RALYL: variants seen among roughly 807,000 people sequenced by gnomAD.
The protein encoded by RALYL is RNA-binding Raly-like protein.
RALYL carries 29 observed loss-of-function variants against 35.1 expected under a neutral mutation model. The observed-to-expected ratio is 0.83, with a 90% CI of 0.61 to 1.13. The LOEUF (loss-of-function observed/expected upper bound fraction) is 1.13. Among genes scored for constraint, RALYL ranks in the 50% most tolerant of loss-of-function variants. The probability of loss-of-function intolerance (pLI) is 0.00; values close to 1 mark genes in which losing one functional copy is unlikely to be tolerated. For missense variants in RALYL, 359 were observed against 360.4 expected (o/e 1.00, Z 0.03); for synonymous variants, 120 against 127.6 (o/e 0.94, Z 0.40).
chr8:84,482,527 T>TA (rs1382011247), intron 1 of RALYL, among the ~76,000 whole-genome samples: 1 of 152,022 alleles, frequency 6.6e-6, no homozygotes, highest in Non-Finnish European at 1.5e-5. Flanking sequence ...TTTAACAACT[T>TA]AAAAAATCTC....
intron 2 of RALYL, among the ~76,000 whole-genome samples, chr8:84,600,531 G>A (rs1815683904): frequency 6.6e-6 from 1 of 152,046 alleles, no homozygotes; most frequent in Non-Finnish European, 1.5e-5. Flanking sequence ...GGTAAAAGGA[G>A]GTTGGTATTT....
intron 2 of RALYL, among the ~76,000 whole-genome samples, chr8:84,730,408 A>G (rs1367142915): frequency 6.6e-6 from 1 of 152,178 alleles, no homozygotes; most frequent in Non-Finnish European, 1.5e-5. Flanking sequence ...GCTATCTATG[A>G]CATACCCACA....
At chr8:84,647,901 G>A (rs190070726) in intron 2 of RALYL, among the ~76,000 whole-genome samples, 5 of 152,192 alleles carry the variant, frequency 3.3e-5, no homozygotes, top group Middle Eastern at 6.8e-3. Context: ...TTAGTGCAAG[G>A]TGCTTAATCA....
chr8:84,261,945 T>A (rs1832385271), intron 1 of RALYL, among the ~76,000 whole-genome samples: 1 of 152,166 alleles, frequency 6.6e-6, no homozygotes. Context: ...TGCCTTGCAA[T>A]AGACTTCACA....
At chr8:84,772,387 C>T (rs527352358) in intron 2 of RALYL, among the ~76,000 whole-genome samples, 2 of 152,026 alleles carry the variant, frequency 1.3e-5, no homozygotes, top group Non-Finnish European at 2.9e-5. Flanking sequence ...CAGGCATATA[C>T]ATAAAAAATA....
chr8:84,863,472 G>A (rs192833093), intron 6 of RALYL, among the ~76,000 whole-genome samples: 114 of 152,242 alleles, frequency 7.5e-4, no homozygotes, highest in African/African-American at 2.3e-3. Context: ...TTGGTAAGCC[G>A]CCGTAGAGAC....
At chr8:84,462,600 C>CT (rs754020253) in intron 1 of RALYL, among the ~76,000 whole-genome samples, 7 of 103,028 alleles carry the variant, frequency 6.8e-5, no homozygotes, top group African/African-American at 4.4e-5. Context: ...TATCTAGATT[C>CT]ATTTTTTTTT....
At chr8:84,769,192 C>T (rs1814824128) in intron 2 of RALYL, among the ~76,000 whole-genome samples, 1 of 152,020 alleles carries the variant, frequency 6.6e-6, no homozygotes, top group Admixed American at 6.6e-5. Context: ...ATTTTACATG[C>T]TTTTTTTGTT....
chr8:84,455,699 C>A (rs922940876), intron 1 of RALYL, among the ~76,000 whole-genome samples: 4 of 152,146 alleles, frequency 2.6e-5, no homozygotes, highest in African/African-American at 7.2e-5. Context: ...TAAACATTAA[C>A]AAATCAATTC....
chr8:84,855,046 AG>A (rs1836697205), intron 5 of RALYL, among the ~76,000 whole-genome samples: 1 of 152,234 alleles, frequency 6.6e-6, no homozygotes, highest in Non-Finnish European at 1.5e-5. Context: ...TGTTGTTGCC[AG>A]GATGAAGAAA....
At chr8:84,683,419 T>A (rs1272349612) in intron 2 of RALYL, among the ~76,000 whole-genome samples, 1 of 152,202 alleles carries the variant, frequency 6.6e-6, no homozygotes, top group Non-Finnish European at 1.5e-5. Context: ...GTCTCGTTGA[T>A]CTTTCTAATG....
At chr8:84,722,855 A>G (rs1430292526) in intron 2 of RALYL, among the ~76,000 whole-genome samples, 2 of 151,018 alleles carry the variant, frequency 1.3e-5, no homozygotes, top group African/African-American at 4.9e-5. Context: ...TGTTTGAATA[A>G]CAATTATTTG....
intron 1 of RALYL, among the ~76,000 whole-genome samples, chr8:84,282,528 G>T (rs1802727344): frequency 6.6e-6 from 1 of 151,946 alleles, no homozygotes; most frequent in African/African-American, 2.4e-5. Flanking sequence ...AGGGATGAGG[G>T]GTGGTTCATA....
Position 84,425,504 on chromosome 8 carries a change from C to T in RALYL, c.-23-103795C>T, listed in dbSNP as rs149170527. On this transcript the variant is annotated intron_variant, in intron 1 of 8. Transcript: ENST00000521268. ...CTCAGATGGAAATGCAGAAATCACC[C>T]GTCTTCTGCGTCGCTCACGCTGGGA... is the stretch of plus-strand genomic sequence containing the variant. Among the ~76,000 whole-genome samples, 237 of 152,274 alleles carry T rather than the reference C, an allele frequency of 1.6e-3. 1 individual carries two copies. Among genetic ancestry groups the T allele is most frequent in the African/African-American group, 4.9e-3 (204 of 41,554 alleles).
intron 2 of RALYL, among the ~76,000 whole-genome samples, chr8:84,671,126 A>G (rs1431717759): frequency 6.6e-6 from 1 of 152,168 alleles, no homozygotes; most frequent in Admixed American, 6.5e-5. Flanking sequence ...TCCAAAATCC[A>G]GCAGGGCAGT....
chr8:84,450,845 A>T (rs900096392), intron 1 of RALYL, among the ~76,000 whole-genome samples: 1 of 152,002 alleles, frequency 6.6e-6, no homozygotes, highest in African/African-American at 2.4e-5. Context: ...ACTCAATATA[A>T]CAGTTGCCAA....
chr8:84,369,546 G>T (rs567316861), intron 1 of RALYL, among the ~76,000 whole-genome samples: 2 of 151,930 alleles, frequency 1.3e-5, no homozygotes, highest in African/African-American at 2.4e-5. Context: ...AAGAGCTTCA[G>T]GGGGGTAGGT....
At chr8:84,384,206 T>C (rs959552035) in intron 1 of RALYL, among the ~76,000 whole-genome samples, 5 of 151,696 alleles carry the variant, frequency 3.3e-5, no homozygotes, top group Non-Finnish European at 7.4e-5. Context: ...TCCTTTAAAA[T>C]GGGGATAACA....
At chr8:84,393,270 G>T (rs138927558) in intron 1 of RALYL, among the ~76,000 whole-genome samples, 2 of 152,020 alleles carry the variant, frequency 1.3e-5, no homozygotes, top group Admixed American at 6.6e-5. Flanking sequence ...TTACATAGTC[G>T]TTGGCAGAAT....
Sources: allele counts gnomAD v4.1 joint callset (sites outside exome capture counted in the v4.1 genomes callset), GRCh38; gene constraint gnomAD v4.1.1; transcripts MANE v1.5; gene names NCBI Gene and HGNC (gene_info 2026-07-23, HGNC 2026-07-21).